CECR2: variants seen among roughly 807,000 people sequenced by gnomAD.
CECR2 encodes the protein chromatin remodeling regulator CECR2.
A neutral mutation model predicts 154.5 loss-of-function variants in CECR2; 30 were observed. The observed-to-expected ratio is 0.19, with a 90% CI of 0.15 to 0.26. The LOEUF (loss-of-function observed/expected upper bound fraction) is 0.26. CECR2 is among the 10% of genes least tolerant of loss of function. The probability of loss-of-function intolerance (pLI) is 1.00; values close to 1 mark genes in which losing one functional copy is unlikely to be tolerated. For synonymous variants in CECR2, 725 were observed against 683.7 expected (o/e 1.06, Z -0.94); for missense variants, 1,743 against 1,829.3 (o/e 0.95, Z 0.86).
At chr22:17,551,225 C>T (rs189212498) in intron 17 of CECR2, among the ~76,000 whole-genome samples, 10 of 152,260 alleles carry the variant, frequency 6.6e-5, no homozygotes, top group Admixed American at 6.5e-5. Context: ...CATTTCAAAA[C>T]GATTACCACA....
intron 9 of CECR2, among the ~76,000 whole-genome samples, chr22:17,528,036 C>T (rs1020517619): frequency 5.3e-5 from 8 of 152,320 alleles, no homozygotes; most frequent in South Asian, 2.1e-4. Context: ...ACCATAAAAT[C>T]TATTAATCCC....
intron 2 of CECR2, among the ~76,000 whole-genome samples, chr22:17,482,761 CTTTT>C (rs34165377): frequency 2.4e-4 from 30 of 125,292 alleles, no homozygotes; most frequent in South Asian, 2.7e-4. Context: ...TTTTGAACTC[CTTTT>C]TTTTTTTTTT....
intron 1 of CECR2, among the ~76,000 whole-genome samples, chr22:17,462,301 C>A (rs2054952973): frequency 6.6e-6 from 1 of 151,662 alleles, no homozygotes; most frequent in South Asian, 2.1e-4. Flanking sequence ...GCAGAGCTTG[C>A]AGTGAGCAAA....
At chr22:17,365,014 C>A (rs2062994361), upstream of CECR2, among the ~76,000 whole-genome samples, 1 of 152,040 alleles carries the variant, frequency 6.6e-6, no homozygotes, top group Non-Finnish European at 1.5e-5. Flanking sequence ...CACCTGAGGT[C>A]GGGAGTTTGA....
At chr22:17,498,507 C>T (rs967525825) in intron 3 of CECR2, among the ~76,000 whole-genome samples, 5 of 152,072 alleles carry the variant, frequency 3.3e-5, no homozygotes, top group Non-Finnish European at 5.9e-5. Flanking sequence ...GATGACTTCT[C>T]AGTTGAGCTC....
chr22:17,388,209 C>G (rs2063287547), intron 1 of CECR2, among the ~76,000 whole-genome samples: 1 of 152,212 alleles, frequency 6.6e-6, no homozygotes, highest in African/African-American at 2.4e-5. Flanking sequence ...CCGCCTCAGC[C>G]TCCCAACGTG....
At chr22:17,387,993 C>T (rs2063284877) in intron 1 of CECR2, among the ~76,000 whole-genome samples, 1 of 151,578 alleles carries the variant, frequency 6.6e-6, no homozygotes, top group Non-Finnish European at 1.5e-5. Flanking sequence ...CTGTCTCTGT[C>T]GCCCAGGCTG....
At chr22:17,550,786 C>T (rs1460276191) in intron 17 of CECR2, among the ~76,000 whole-genome samples, 1 of 152,024 alleles carries the variant, frequency 6.6e-6, no homozygotes, top group Non-Finnish European at 1.5e-5. Flanking sequence ...ACTAAAAATA[C>T]AAAAAATTAG....
intron 1 of CECR2, among the ~76,000 whole-genome samples, chr22:17,394,146 C>G (rs535449229): frequency 1.1e-3 from 166 of 149,868 alleles, no homozygotes; most frequent in Non-Finnish European, 1.8e-3. Context: ...CTCAGCCTCC[C>G]AAAGTGCTGG....
rs189616946 is a variant in CECR2, at chr22:17,487,650, C to A, written c.222-9753C>A. Among the ~76,000 whole-genome samples, 608 of 152,218 alleles carry A rather than the reference C, an allele frequency of 4.0e-3. 1 individual carries two copies. The highest frequency in any genetic ancestry group is 6.4e-3 in the Non-Finnish European group (435 of 68,022). ...GAGCTTGCAGTGAGCCGAGATCGCG[C>A]CATGCACAAGCCTGGGTGTCTCAAA... is the stretch of plus-strand genomic sequence containing the variant. On this transcript the variant is annotated intron_variant, in intron 2 of 18. Transcript: ENST00000262608.
intron 1 of CECR2, among the ~76,000 whole-genome samples, chr22:17,404,279 CA>C (rs375565396): frequency 0.48 from 30,221 of 62,582 alleles, 5,595 homozygotes; most frequent in South Asian, 0.62. Context: ...ACCCCCCTGC[CA>C]AAAAAAAAAA....
intron 9 of CECR2, among the ~76,000 whole-genome samples, chr22:17,535,360 C>T (rs2056422488): frequency 6.6e-6 from 1 of 152,074 alleles, no homozygotes; most frequent in Admixed American, 6.6e-5. Flanking sequence ...ATGATGGACA[C>T]CCCTTTGACA....
chr22:17,480,912 C>G (rs1050683476), intron 2 of CECR2, among the ~76,000 whole-genome samples: 1 of 151,608 alleles, frequency 6.6e-6, no homozygotes, highest in African/African-American at 2.4e-5. Flanking sequence ...TGGTGGTGCA[C>G]GCCTGTAGTC....
chr22:17,520,107 T>A (rs1339203440), intron 8 of CECR2, among the ~76,000 whole-genome samples: 1 of 152,176 alleles, frequency 6.6e-6, no homozygotes, highest in Non-Finnish European at 1.5e-5. Flanking sequence ...AAGTCTTGAG[T>A]GACTTAACAT....
chr22:17,507,697 C>A (rs940371686), intron 7 of CECR2, among the ~76,000 whole-genome samples: 2 of 152,068 alleles, frequency 1.3e-5, no homozygotes, highest in Non-Finnish European at 2.9e-5. Flanking sequence ...AATAAGGTAA[C>A]CCTTAAATAG....
chr22:17,497,065 G>A (rs988978192), intron 2 of CECR2, among the ~76,000 whole-genome samples: 4 of 152,162 alleles, frequency 2.6e-5, no homozygotes, highest in Admixed American at 6.5e-5. Context: ...AAGCCAAGGC[G>A]GGCGGATCGT....
At chr22:17,537,082 C>T (rs749857235) in intron 9 of CECR2, 21 bp from the exon 10 acceptor site, 1 of 1,612,920 alleles carries the variant, frequency 6.2e-7, no homozygotes, top group Non-Finnish European at 8.5e-7. Context: ...TTAGCTCACT[C>T]AGCCTTTGTG....
chr22:17,525,285 C>CAAA (rs1569142080), intron 9 of CECR2, among the ~76,000 whole-genome samples: 333 of 32,310 alleles, frequency 0.01, 97 homozygotes, highest in East Asian at 0.038. Flanking sequence ...AACTCCATCT[C>CAAA]CAAAAAAAAA....
intron 1 of CECR2, among the ~76,000 whole-genome samples, chr22:17,433,254 A>G (rs186743522): frequency 6.6e-6 from 1 of 152,348 alleles, no homozygotes; most frequent in East Asian, 1.9e-4. Flanking sequence ...TCTCAATAAT[A>G]GTGTGTAGAT....
Sources: gnomAD v4.1 joint callset for allele counts (sites outside exome capture counted in the v4.1 genomes callset) on GRCh38, gnomAD v4.1.1 for gene constraint, MANE v1.5 for transcripts, NCBI Gene and HGNC (gene_info 2026-07-23, HGNC 2026-07-21) for gene names.